NLRP14: variants seen among roughly 807,000 people sequenced by gnomAD.
The protein encoded by NLRP14 is NACHT, LRR and PYD domains-containing protein 14.
Under a neutral mutation model 94.7 loss-of-function variants are expected in NLRP14, and 105 were observed. The ratio of observed to expected loss-of-function variants is 1.11; its 90% CI spans 0.95 to 1.30. The LOEUF is 1.30. Ranked by LOEUF, NLRP14 falls within the 50% of genes most tolerant of loss-of-function variation. NLRP14 has a pLI of 0.00. For synonymous variants in NLRP14, 508 were observed against 459.9 expected (o/e 1.10, Z -1.34); for missense variants, 1,362 against 1,254.1 (o/e 1.09, Z -1.30).
the NLRP14 span, among the ~76,000 whole-genome samples, chr11:7,083,186 G>T: frequency 6.6e-6 from 1 of 152,342 alleles, no homozygotes; most frequent in Non-Finnish European, 1.5e-5. Flanking sequence ...TCTAGGAGAT[G>T]CTTGTCTCCT....
the NLRP14 span, among the ~76,000 whole-genome samples, chr11:7,082,799 T>G: frequency 2.0e-5 from 3 of 152,320 alleles, no homozygotes; most frequent in East Asian, 5.8e-4. Context: ...CCCACTACCA[T>G]TCACATAGGG....
chr11:7,029,187 T>A (rs1852055831), intron 1 of NLRP14, among the ~76,000 whole-genome samples: 1 of 152,194 alleles, frequency 6.6e-6, no homozygotes, highest in Non-Finnish European at 1.5e-5. Context: ...ATACTACCAC[T>A]TTTATTTTAC....
rs777601153 is a variant in NLRP14 at position 7,062,357 on chromosome 11, T to C, written c.2829T>C (p.Asn943=). 33 of 1,612,966 alleles carry C rather than the reference T, an allele frequency of 2.0e-5. No individual in the cohort carries two copies. Among genetic ancestry groups the C allele is most frequent in the Non-Finnish European group, 2.6e-5 (31 of 1,179,244 alleles). ...GATTGATGGGCTGTGTTCTCACTAA[T>C]GCATGTTGTCTGGATCTGGCTTCTG... ...DLELMGCVLT[N]ACCLDLASVI... is the part of the protein sequence containing the mutation. The change falls in exon 10 of 12, where the codon AAT becomes AAC. Residue 943 remains asparagine (N), a synonymous_variant. Transcript: ENST00000299481.
chr11:7,059,990 C>T lies in NLRP14; in HGVS notation c.2730C>T (p.Asn910=). The change falls in exon 9 of 12, where the codon AAC becomes AAT. Residue 910 remains asparagine, a synonymous_variant. Coordinates refer to ENST00000299481, the MANE Select transcript of NLRP14 (RefSeq NM_176822.4). Reference sequence around the variant, plus strand: ...TGACGCATCTGGATCTAGGATCAAACTGGCTACAAGACAATGGAGTGAAGC... The same window carrying T: ...TGACGCATCTGGATCTAGGATCAAATTGGCTACAAGACAATGGAGTGAAGC... ...KSLTHLDLGS[N]WLQDNGVKLL... 1 of 1,612,838 alleles carries T rather than the reference C, an allele frequency of 6.2e-7. No individual in the cohort carries two copies.
At chr11:7,052,971 A>G (rs569400915) in intron 6 of NLRP14, among the ~76,000 whole-genome samples, 1 of 152,188 alleles carries the variant, frequency 6.6e-6, no homozygotes, top group African/African-American at 2.4e-5. Flanking sequence ...TCTTTTATTC[A>G]TTAATAAACC....
intron 6 of NLRP14, among the ~76,000 whole-genome samples, chr11:7,053,428 C>G (rs1268006301): frequency 6.7e-6 from 1 of 149,276 alleles, no homozygotes; most frequent in Non-Finnish European, 1.5e-5. Flanking sequence ...AGATGCTCAT[C>G]ATTTAGTTAA....
intron 4 of NLRP14, 47 bp from the exon 5 acceptor site, chr11:7,046,621 G>C (rs755340212): frequency 6.4e-7 from 1 of 1,566,270 alleles, no homozygotes; most frequent in South Asian, 1.1e-5. Context: ...TGGCTAGGCT[G>C]AAATAAAATC....
chr11:7,038,840 A>G lies in NLRP14; in HGVS notation c.254A>G (p.Lys85Arg), dbSNP rs775228964. The G allele has an allele frequency of 6.2e-7, 1 of 1,613,456 alleles. No homozygotes were observed. The change falls in exon 2 of 12, where the codon AAG becomes AGG. Residue 85 changes from lysine (K) to arginine (R), a missense_variant. Coordinates refer to ENST00000299481, the MANE Select transcript of NLRP14 (RefSeq NM_176822.4). ...AAAATCTTTGGCAAGATGAACCTGAAGGATCTGTGTGAGAGAGCGAAAGAA... is the reference window on the plus strand; with the variant it reads ...AAAATCTTTGGCAAGATGAACCTGAGGGATCTGTGTGAGAGAGCGAAAGAA... ...SLKIFGKMNLKDLCERAKEEI... is the reference protein window; with the variant it reads ...SLKIFGKMNLRDLCERAKEEI...
chr11:7,078,152 A>G, the NLRP14 span, among the ~76,000 whole-genome samples: 6 of 152,242 alleles, frequency 3.9e-5, no homozygotes, highest in Admixed American at 6.5e-5. Flanking sequence ...TTAAAAATTG[A>G]ATTAGGCTGG....
At chr11:7,031,188 G>A (rs796887307) in intron 1 of NLRP14, among the ~76,000 whole-genome samples, 4 of 152,302 alleles carry the variant, frequency 2.6e-5, no homozygotes, top group African/African-American at 9.6e-5. Context: ...GGCTTTTGGC[G>A]CTTATACCCT....
At chr11:7,089,680 G>C in the NLRP14 span, 1 of 1,493,228 alleles carries the variant, frequency 6.7e-7, no homozygotes, top group Admixed American at 2.1e-5. Context: ...GTGCGGGGGC[G>C]AGACGGCTAC....
At chr11:7,078,596 C>G in the NLRP14 span, among the ~76,000 whole-genome samples, 10 of 151,674 alleles carry the variant, frequency 6.6e-5, no homozygotes, top group Non-Finnish European at 1.0e-4. Flanking sequence ...TTGAGACCAC[C>G]CTGGCTAACA....
In NLRP14 at chr11:7,038,903, G is replaced by A. The variant is rs199475880; in HGVS notation, c.289+28G>A. Reference sequence around the variant, plus strand: ...GAGTGATGCTAGGGGCAAATCGGGGGCTAGGCAGGAAGGAAGTGTTTCCTG... The same window carrying A: ...GAGTGATGCTAGGGGCAAATCGGGGACTAGGCAGGAAGGAAGTGTTTCCTG... On this transcript the variant is annotated intron_variant, in intron 2 of 11. Coordinates refer to ENST00000299481, the MANE Select transcript of NLRP14 (RefSeq NM_176822.4). The A allele has an allele frequency of 1.1e-4, 179 of 1,609,316 alleles. No individual in the cohort carries two copies. In the African/African-American group the frequency reaches 2.3e-3, roughly 20 times the overall value.
chr11:7,087,205 A>G, the NLRP14 span, among the ~76,000 whole-genome samples: 2 of 152,234 alleles, frequency 1.3e-5, no homozygotes, highest in East Asian at 1.9e-4. Context: ...GAATCTACCT[A>G]TGACCTGTAA....
At chr11:7,060,383 T>C (rs998567647) in intron 9 of NLRP14, among the ~76,000 whole-genome samples, 4 of 152,024 alleles carry the variant, frequency 2.6e-5, no homozygotes, top group Non-Finnish European at 5.9e-5. Context: ...GAAGCTAAAA[T>C]TGTTCTCTAC....
chr11:7,090,251 C>A, the NLRP14 span: 1 of 1,608,950 alleles, frequency 6.2e-7, no homozygotes. Flanking sequence ...GGGGCGGAGG[C>A]CGTCTAGGAG....
At chr11:7,024,199 T>C (rs909346350) in intron 1 of NLRP14, among the ~76,000 whole-genome samples, 47 of 152,208 alleles carry the variant, frequency 3.1e-4, no homozygotes, top group African/African-American at 1.1e-3. Flanking sequence ...AAATGGTATA[T>C]TGAAATCCTA....
At chr11:7,028,353 G>A (rs1852043621) in intron 1 of NLRP14, among the ~76,000 whole-genome samples, 2 of 151,958 alleles carry the variant, frequency 1.3e-5, no homozygotes. Flanking sequence ...GCAAATTCTT[G>A]CAGTTCTATC....
At chr11:7,061,185 C>T (rs1345346991) in intron 9 of NLRP14, among the ~76,000 whole-genome samples, 1 of 151,972 alleles carries the variant, frequency 6.6e-6, no homozygotes, top group Non-Finnish European at 1.5e-5. Context: ...AATGTGACAC[C>T]TATAAACACA....
Sources: gnomAD v4.1 joint callset for allele counts (sites outside exome capture counted in the v4.1 genomes callset) on GRCh38, gnomAD v4.1.1 for gene constraint, MANE v1.5 for transcripts, NCBI Gene and HGNC (gene_info 2026-07-23, HGNC 2026-07-21) for gene names.